LRGUK: variants seen among roughly 807,000 people sequenced by gnomAD.
LRGUK encodes leucine-rich repeat and guanylate kinase domain-containing protein.
Under a neutral mutation model 76.0 loss-of-function variants are expected in LRGUK, and 65 were observed. That is an observed-to-expected ratio of 0.85 (90% CI 0.70 to 1.05). The LOEUF is 1.05. Among genes scored for constraint, LRGUK ranks in the 50% least tolerant of loss-of-function variants. The pLI, the probability that LRGUK is intolerant of heterozygous loss-of-function variation, is 0.00. For missense variants in LRGUK, 758 were observed against 732.8 expected, an observed-to-expected ratio of 1.03 and a Z score of -0.40; for synonymous variants, 268 against 265.6, an observed-to-expected ratio of 1.01 and a Z score of -0.09.
At chr7:134,254,272 A>G (rs897756608) in intron 18 of LRGUK, among the ~76,000 whole-genome samples, 3 of 152,160 alleles carry the variant, frequency 2.0e-5, no homozygotes, top group African/African-American at 7.2e-5. Flanking sequence ...TTGGGGAGCA[A>G]TTAGGAAGTT....
intron 13 of LRGUK, among the ~76,000 whole-genome samples, 171 bp downstream of exon 13, chr7:134,197,276 G>T (rs1042421105): frequency 2.6e-5 from 4 of 152,066 alleles, no homozygotes; most frequent in Admixed American, 1.3e-4. Flanking sequence ...TTGGGGAGGG[G>T]TATACAATGC....
chr7:134,241,720 A>G (rs1441126044), intron 16 of LRGUK, among the ~76,000 whole-genome samples: 1 of 152,226 alleles, frequency 6.6e-6, no homozygotes, highest in East Asian at 1.9e-4. Flanking sequence ...AGACATCTAC[A>G]GAACTCTCCA....
At chr7:134,201,304 T>G (rs1228415330) in intron 14 of LRGUK, among the ~76,000 whole-genome samples, 177 bp from the exon 15 acceptor site, 4 of 152,136 alleles carry the variant, frequency 2.6e-5, no homozygotes, top group South Asian at 2.1e-4. Context: ...CTGCCCACAC[T>G]TAAGGGGAGG....
chr7:134,149,797 G>C (rs547945135), intron 5 of LRGUK, among the ~76,000 whole-genome samples: 1 of 152,240 alleles, frequency 6.6e-6, no homozygotes, highest in African/African-American at 2.4e-5. Context: ...AAGCTATCTG[G>C]CTCAGACATC....
At chr7:134,207,939 A>G (rs1801076054) in intron 15 of LRGUK, among the ~76,000 whole-genome samples, 2 of 152,212 alleles carry the variant, frequency 1.3e-5, no homozygotes, top group Admixed American at 6.5e-5. Context: ...ACTGTCCCAG[A>G]GATCAGTCAC....
chr7:134,274,683 T>C, the LRGUK span, among the ~76,000 whole-genome samples: 1 of 152,202 alleles, frequency 6.6e-6, no homozygotes, highest in Admixed American at 6.5e-5. Context: ...GACTATTATA[T>C]TGCAATTACA....
At chr7:134,237,038 G>T (rs986594506) in intron 16 of LRGUK, among the ~76,000 whole-genome samples, 5 of 143,634 alleles carry the variant, frequency 3.5e-5, no homozygotes, top group Admixed American at 7.2e-5. Context: ...CAGGCTAAAT[G>T]CTTTTCTCTT....
At chr7:134,154,732 A>G (rs2116896366) in intron 5 of LRGUK, among the ~76,000 whole-genome samples, 1 of 152,342 alleles carries the variant, frequency 6.6e-6, no homozygotes, top group Non-Finnish European at 1.5e-5. Context: ...AACCATAGGT[A>G]TGATTGCAGT....
At chr7:134,165,184 A>G (rs1027584305) in intron 7 of LRGUK, among the ~76,000 whole-genome samples, 2 of 152,178 alleles carry the variant, frequency 1.3e-5, no homozygotes, top group African/African-American at 4.8e-5. Context: ...TAATCTAGAG[A>G]TATTTGTTGA....
intron 11 of LRGUK, among the ~76,000 whole-genome samples, chr7:134,184,329 G>A (rs547044476): frequency 2.9e-3 from 442 of 151,622 alleles, no homozygotes; most frequent in African/African-American, 0.01. Flanking sequence ...GAGTGCAGTG[G>A]TGCGATCTCG....
At chr7:134,169,309 C>T (rs975591959) in intron 7 of LRGUK, among the ~76,000 whole-genome samples, 4 of 152,096 alleles carry the variant, frequency 2.6e-5, no homozygotes, top group African/African-American at 4.8e-5. Flanking sequence ...AAGGGTTCTC[C>T]TCCAGAACCT....
chr7:134,149,108 TAAAAA>T (rs5887660), intron 5 of LRGUK, among the ~76,000 whole-genome samples: 1 of 148,876 alleles, frequency 6.7e-6, no homozygotes, highest in Non-Finnish European at 1.5e-5. Context: ...TTTCTTTTTT[TAAAAA>T]AAAAAAAAAA....
chr7:134,233,246 G>A (rs2544164), intron 16 of LRGUK, among the ~76,000 whole-genome samples: 7,868 of 152,266 alleles, frequency 0.052, 452 homozygotes, highest in East Asian at 0.15. Context: ...TGCTGACTTA[G>A]TTAAGGCTTC....
At chr7:134,226,485 G>A (rs918926321) in intron 16 of LRGUK, among the ~76,000 whole-genome samples, 38 of 152,256 alleles carry the variant, frequency 2.5e-4, no homozygotes, top group Middle Eastern at 3.4e-3. Flanking sequence ...GTGTCTTAAG[G>A]AAACCAGTCT....
At chr7:134,190,948 T>TTCTGGGGGTAGACAGTAGTTGAGC (rs1554467160) in intron 11 of LRGUK, among the ~76,000 whole-genome samples, 1 of 41,742 alleles carries the variant, frequency 2.4e-5, no homozygotes, top group Non-Finnish European at 5.9e-5. Context: ...TTGAGCGGTG[T>TTCTGGGGGTAGACAGTAGTTGAGC]GGTGGGATGG....
intron 14 of LRGUK, among the ~76,000 whole-genome samples, chr7:134,199,982 TTA>T (rs71172442): frequency 0.22 from 8,299 of 38,000 alleles, 704 homozygotes; most frequent in Middle Eastern, 0.28. Flanking sequence ...CTAGAAACTT[TTA>T]TATATATATA....
At chr7:134,245,976 A>C (rs1044818285) in intron 16 of LRGUK, among the ~76,000 whole-genome samples, 1 of 152,144 alleles carries the variant, frequency 6.6e-6, no homozygotes, top group Non-Finnish European at 1.5e-5. Flanking sequence ...GACTTTCCCA[A>C]TACAATTTTC....
intron 5 of LRGUK, among the ~76,000 whole-genome samples, chr7:134,152,055 G>T (rs778313937): frequency 6.6e-6 from 1 of 151,892 alleles, no homozygotes; most frequent in Non-Finnish European, 1.5e-5. Flanking sequence ...TAAAACAAGA[G>T]AAAGAAATTA....
At chr7:134,165,262 A>G (rs547397857) in intron 7 of LRGUK, among the ~76,000 whole-genome samples, 1 of 152,220 alleles carries the variant, frequency 6.6e-6, no homozygotes, top group Non-Finnish European at 1.5e-5. Flanking sequence ...CCCTATTATT[A>G]TTGTCATTTT....
Sources: gnomAD v4.1 joint callset for allele counts (sites outside exome capture counted in the v4.1 genomes callset) on GRCh38, gnomAD v4.1.1 for gene constraint, MANE v1.5 for transcripts, NCBI Gene and HGNC (gene_info 2026-07-23, HGNC 2026-07-21) for gene names.